INPP4B: variants seen among roughly 807,000 people sequenced by gnomAD.
INPP4B encodes inositol polyphosphate-4-phosphatase type II B, also known as inositol polyphosphate 4-phosphatase type II.
In INPP4B, 55 loss-of-function variants were observed where a neutral mutation model predicts 122.5. That is an observed-to-expected ratio of 0.45 (90% CI 0.36 to 0.56). The LOEUF (loss-of-function observed/expected upper bound fraction) is 0.56. Among genes scored for constraint, INPP4B ranks in the 20% least tolerant of loss-of-function variants. The probability of loss-of-function intolerance (pLI) is 0.00; values close to 1 mark genes in which losing one functional copy is unlikely to be tolerated. For missense variants in INPP4B, 1,000 were observed against 1,097.7 expected (o/e 0.91, Z 1.26); for synonymous variants, 403 against 388.7 (o/e 1.04, Z -0.43).
intron 1 of INPP4B, among the ~76,000 whole-genome samples, chr4:142,786,638 G>A (rs1003815380): frequency 7.9e-5 from 12 of 152,064 alleles, no homozygotes; most frequent in African/African-American, 2.9e-4. Flanking sequence ...CAGTATTTCA[G>A]CCAGGTGCAT....
chr4:142,769,758 A>G (rs1308168791), intron 1 of INPP4B, among the ~76,000 whole-genome samples: 1 of 151,958 alleles, frequency 6.6e-6, no homozygotes, highest in Non-Finnish European at 1.5e-5. Flanking sequence ...CTACTAAAAT[A>G]CAAAAAATAG....
At chr4:142,526,367 C>T (rs967239079) in intron 2 of INPP4B, among the ~76,000 whole-genome samples, 1 of 152,038 alleles carries the variant, frequency 6.6e-6, no homozygotes, top group African/African-American at 2.4e-5. Flanking sequence ...TTTCAGATTT[C>T]TCCACAGTAT....
chr4:142,129,410 G>T (rs1299150527), intron 18 of INPP4B, among the ~76,000 whole-genome samples: 1 of 152,168 alleles, frequency 6.6e-6, no homozygotes, highest in Non-Finnish European at 1.5e-5. Flanking sequence ...TGTCTTTCAG[G>T]CACAATTTTG....
chr4:142,208,792 C>A, intron 13 of INPP4B, 104 bp downstream of exon 13: 1 of 860,054 alleles, frequency 1.2e-6, no homozygotes, highest in Non-Finnish European at 1.6e-6. Flanking sequence ...TTTAAAAAAT[C>A]TCCAGTTCTC....
chr4:142,188,518 A>AAATATATATAT (rs1834267141), intron 15 of INPP4B, among the ~76,000 whole-genome samples: 1 of 105,096 alleles, frequency 9.5e-6, no homozygotes, highest in African/African-American at 3.3e-5. Flanking sequence ...AAAGAAAAAA[A>AAATATATATAT]ATATATATAG....
At position 142,026,761 on chromosome 4, in the gene INPP4B, T is replaced by G. The variant is rs1737137379; in HGVS notation, c.*2021A>C. On this transcript the variant is annotated 3_prime_UTR_variant, in exon 26 of 26. Coordinates refer to ENST00000262992, the MANE Select transcript of INPP4B (RefSeq NM_001101669.3). ...GATTACAGGAAATCCTTGAAATGTC[T>G]TTTAAAAATAGAAAACCCTACTGCT... is the stretch of plus-strand genomic sequence containing the variant. 1 of 152,214 alleles carries G rather than the reference T, an allele frequency of 6.6e-6. No individual in the cohort carries two copies. Among genetic ancestry groups the G allele is most frequent in the South Asian group, 2.1e-4 (1 of 4,834 alleles). The allele number at this position is 152,214 out of a possible 1,614,324, so 9.4% of individuals were successfully genotyped here. A position where few individuals can be genotyped will look rare whatever the true frequency, so the allele number is the denominator to read the frequency against.
chr4:142,733,574 G>A (rs1362672053), intron 1 of INPP4B, among the ~76,000 whole-genome samples: 1 of 152,012 alleles, frequency 6.6e-6, no homozygotes, highest in Non-Finnish European at 1.5e-5. Context: ...ATTACAATGA[G>A]ATGTCACTAT....
intron 2 of INPP4B, among the ~76,000 whole-genome samples, chr4:142,676,520 C>A (rs1434762607): frequency 1.3e-5 from 2 of 152,076 alleles, no homozygotes; most frequent in African/African-American, 4.8e-5. Flanking sequence ...TGAAAATGAG[C>A]CCATATAGCC....
intron 25 of INPP4B, among the ~76,000 whole-genome samples, chr4:142,044,740 A>G (rs76270636): frequency 0.013 from 1,957 of 152,244 alleles, 44 homozygotes; most frequent in African/African-American, 0.044. Flanking sequence ...ATAATATGGA[A>G]TATTTCATCA....
intron 2 of INPP4B, among the ~76,000 whole-genome samples, chr4:142,616,028 T>C (rs1266618732): frequency 6.6e-6 from 1 of 152,076 alleles, no homozygotes; most frequent in East Asian, 1.9e-4. Context: ...ATGGGAGAGA[T>C]GTATGGACTC....
At chr4:142,535,056 T>C (rs558809608) in intron 2 of INPP4B, among the ~76,000 whole-genome samples, 4 of 152,204 alleles carry the variant, frequency 2.6e-5, no homozygotes, top group African/African-American at 9.6e-5. Context: ...TTATCATACA[T>C]TATCAAAAGG....
upstream of INPP4B, among the ~76,000 whole-genome samples, chr4:142,846,499 C>T (rs1004492686): frequency 5.9e-5 from 9 of 152,154 alleles, no homozygotes; most frequent in Non-Finnish European, 1.3e-4. The surrounding 1 kb of genome is among the most constrained non-coding windows in gnomAD (Gnocchi z 5.1). Flanking sequence ...GCGCGCGCCC[C>T]AGAGAAGTTG....
At chr4:142,739,043 A>G (rs1216387514) in intron 1 of INPP4B, among the ~76,000 whole-genome samples, 1 of 152,132 alleles carries the variant, frequency 6.6e-6, no homozygotes, top group African/African-American at 2.4e-5. Context: ...GGCTAAAACA[A>G]TCACCATCAA....
At chr4:142,188,569 G>C (rs1834325606) in intron 15 of INPP4B, among the ~76,000 whole-genome samples, 1 of 133,830 alleles carries the variant, frequency 7.5e-6, no homozygotes, top group Non-Finnish European at 1.6e-5. Flanking sequence ...GCATAGTTAA[G>C]ATCTTAGACT....
At chr4:142,310,677 C>CTTT (rs58821770) in intron 8 of INPP4B, among the ~76,000 whole-genome samples, 4 of 143,208 alleles carry the variant, frequency 2.8e-5, no homozygotes, top group Non-Finnish European at 3.0e-5. Flanking sequence ...AGCCCCAGTA[C>CTTT]TTTTTTTTTT....
At chr4:142,203,692 A>C (rs533324391) in intron 14 of INPP4B, among the ~76,000 whole-genome samples, 3 of 152,212 alleles carry the variant, frequency 2.0e-5, no homozygotes, top group South Asian at 4.1e-4. Flanking sequence ...AGACATGACA[A>C]CATTAGTTCT....
At chr4:142,190,675 A>G (rs888851341) in intron 15 of INPP4B, among the ~76,000 whole-genome samples, 1 of 151,878 alleles carries the variant, frequency 6.6e-6, no homozygotes, top group Non-Finnish European at 1.5e-5. Flanking sequence ...AGCATTGAAC[A>G]TGTTTCTACT....
At chr4:142,754,964 A>G (rs116009686) in intron 1 of INPP4B, among the ~76,000 whole-genome samples, 1,897 of 152,122 alleles carry the variant, frequency 0.012, 17 homozygotes, top group Non-Finnish European at 0.018. Context: ...TTAATTTCTT[A>G]TGATTTAGAC....
At chr4:142,220,255 T>C (rs897961732) in intron 12 of INPP4B, among the ~76,000 whole-genome samples, 5 of 152,150 alleles carry the variant, frequency 3.3e-5, no homozygotes, top group Non-Finnish European at 7.4e-5. Context: ...AGGACAAGAT[T>C]AGAGGCTCCC....
Sources: allele counts gnomAD v4.1 joint callset (sites outside exome capture counted in the v4.1 genomes callset), GRCh38; gene constraint gnomAD v4.1.1; non-coding constraint Gnocchi (gnomAD v3.1); transcripts MANE v1.5; gene names NCBI Gene and HGNC (gene_info 2026-07-23, HGNC 2026-07-21).